Variants in SCAPER observed in about 807,000 individuals in gnomAD.
The protein encoded by SCAPER is S-phase cyclin A associated protein in the ER, also known as S phase cyclin A-associated protein in the endoplasmic reticulum.
Under a neutral mutation model 182.2 loss-of-function variants are expected in SCAPER, and 98 were observed. That is an observed-to-expected ratio of 0.54 (90% CI 0.46 to 0.64). SCAPER has a LOEUF of 0.64. SCAPER is among the 30% of genes least tolerant of loss of function. SCAPER has a pLI of 0.00. For missense variants in SCAPER, 1,432 were observed against 1,690.0 expected (o/e 0.85, Z 2.68); for synonymous variants, 605 against 564.6 (o/e 1.07, Z -1.01).
At chr15:76,887,225 T>G (rs960824605) in intron 1 of SCAPER, among the ~76,000 whole-genome samples, 1 of 152,158 alleles carries the variant, frequency 6.6e-6, no homozygotes, top group Admixed American at 6.5e-5. Context: ...GTCTGCAGCT[T>G]CCAGCATAAG....
chr15:76,511,841 A>ATGTGTGTGTGTGTGTGTG (rs755966745), intron 23 of SCAPER, among the ~76,000 whole-genome samples: 157 of 104,778 alleles, frequency 1.5e-3, no homozygotes, highest in South Asian at 3.6e-3. Flanking sequence ...ATATATATAT[A>ATGTGTGTGTGTGTGTGTG]TATGTGTGTG....
chr15:76,817,014 C>T (rs896368078), intron 5 of SCAPER, among the ~76,000 whole-genome samples: 5 of 152,168 alleles, frequency 3.3e-5, no homozygotes, highest in Non-Finnish European at 7.3e-5. Flanking sequence ...ACTGTATGCA[C>T]TATACTTCCA....
At chr15:76,476,595 A>ATTTTTTTTTTTT (rs5813839) in intron 24 of SCAPER, among the ~76,000 whole-genome samples, 5 of 73,532 alleles carry the variant, frequency 6.8e-5, no homozygotes, top group African/African-American at 1.6e-4. Flanking sequence ...CACCCAGCTA[A>ATTTTTTTTTTTT]TTTTTTTTTT....
At chr15:76,640,068 T>G (rs2053976809) in intron 21 of SCAPER, among the ~76,000 whole-genome samples, 1 of 152,248 alleles carries the variant, frequency 6.6e-6, no homozygotes, top group Admixed American at 6.5e-5. Context: ...CGATTTATTT[T>G]TATATTAATT....
chr15:76,381,299 G>A (rs2042928146), intron 28 of SCAPER, 79 bp downstream of exon 28: 2 of 1,151,286 alleles, frequency 1.7e-6, no homozygotes, highest in Non-Finnish European at 2.5e-6. Flanking sequence ...CCCAATTCAG[G>A]AGAAGAATCT....
At chr15:76,790,029 C>G (rs1421601010) in intron 8 of SCAPER, among the ~76,000 whole-genome samples, 5 of 151,952 alleles carry the variant, frequency 3.3e-5, no homozygotes, top group Admixed American at 1.3e-4. Flanking sequence ...GAGATTGAGA[C>G]CATCCTGGCT....
At chr15:76,615,471 A>G (rs1033901451) in intron 22 of SCAPER, among the ~76,000 whole-genome samples, 1 of 119,344 alleles carries the variant, frequency 8.4e-6, no homozygotes, top group African/African-American at 3.3e-5. Flanking sequence ...GTATGTGTAT[A>G]TATACATACA....
intron 20 of SCAPER, among the ~76,000 whole-genome samples, chr15:76,686,320 C>A (rs1428506226): frequency 1.3e-5 from 2 of 152,022 alleles, no homozygotes; most frequent in African/African-American, 2.4e-5. Flanking sequence ...TGTTTTATGT[C>A]ATTAATGATC....
At chr15:76,356,958 C>T (rs952253976) in intron 29 of SCAPER, among the ~76,000 whole-genome samples, 10 of 152,132 alleles carry the variant, frequency 6.6e-5, no homozygotes, top group Non-Finnish European at 2.9e-5. Flanking sequence ...TTTCCAACAA[C>T]ATTCAGATCA....
chr15:76,440,923 T>G (rs1218788454), intron 25 of SCAPER, among the ~76,000 whole-genome samples: 2 of 134,010 alleles, frequency 1.5e-5, no homozygotes, highest in African/African-American at 6.0e-5. Context: ...TTTTTGTTTT[T>G]TTTTTTTTTT....
chr15:76,653,155 A>G (rs2146575678), intron 21 of SCAPER, among the ~76,000 whole-genome samples: 1 of 152,278 alleles, frequency 6.6e-6, no homozygotes, highest in South Asian at 2.1e-4. Flanking sequence ...AATATAGCTG[A>G]CCAAGGAGGA....
At chr15:76,466,251 CTCTT>C (rs1381274201) in intron 25 of SCAPER, among the ~76,000 whole-genome samples, 1 of 151,700 alleles carries the variant, frequency 6.6e-6, no homozygotes, top group East Asian at 1.9e-4. Flanking sequence ...GCTTTCATCA[CTCTT>C]TCTCATTCTT....
Position 76,410,338 on chromosome 15 carries a change from C to T in SCAPER, c.3312-5659G>A, listed in dbSNP as rs533505817. 1.3e-5 allele frequency among the ~76,000 whole-genome samples: 2 copies of T among 152,284 alleles called. 1 individual carries two copies. Among genetic ancestry groups the T allele is most frequent in the East Asian group, 3.9e-4 (2 of 5,178 alleles). On this transcript the variant is annotated intron_variant, in intron 26 of 31. Coordinates refer to ENST00000563290, the MANE Select transcript of SCAPER (RefSeq NM_020843.4). The stretch of plus-strand genomic sequence containing the variant: ...ATTATTTCTAAGTATGATGCTGATG[C>T]TAACCTTAAGGACCTCTTAACATTG...
At chr15:76,783,777 G>C (rs1399738860) in intron 8 of SCAPER, among the ~76,000 whole-genome samples, 2 of 152,084 alleles carry the variant, frequency 1.3e-5, no homozygotes, top group Non-Finnish European at 2.9e-5. Context: ...CAGAAAAAAA[G>C]ACAAAAACCG....
intron 23 of SCAPER, among the ~76,000 whole-genome samples, chr15:76,538,550 ACT>A (rs1399469117): frequency 6.6e-6 from 1 of 151,938 alleles, no homozygotes; most frequent in Non-Finnish European, 1.5e-5. Context: ...GGAACATCAC[ACT>A]CTGTGGACTG....
At chr15:76,689,500 T>A (rs2058228589) in intron 20 of SCAPER, among the ~76,000 whole-genome samples, 1 of 151,900 alleles carries the variant, frequency 6.6e-6, no homozygotes, top group Admixed American at 6.6e-5. Flanking sequence ...TCTAAAAAAA[T>A]ATCAATTATT....
intron 17 of SCAPER, among the ~76,000 whole-genome samples, chr15:76,721,655 T>C (rs2060251434): frequency 6.6e-6 from 1 of 151,982 alleles, no homozygotes; most frequent in African/African-American, 2.4e-5. Context: ...CCTTGTAAGG[T>C]GGATTCCTAG....
At chr15:76,801,168 T>G (rs745516776) in intron 6 of SCAPER, among the ~76,000 whole-genome samples, 1 of 152,254 alleles carries the variant, frequency 6.6e-6, no homozygotes, top group African/African-American at 2.4e-5. Flanking sequence ...TCATTTGCGA[T>G]TCACATGTTG....
intron 21 of SCAPER, among the ~76,000 whole-genome samples, chr15:76,623,288 C>T (rs2052267603): frequency 6.6e-6 from 1 of 152,142 alleles, no homozygotes; most frequent in South Asian, 2.1e-4. Flanking sequence ...ACTACAATTG[C>T]TTTTGAGGAC....
Sources: gnomAD v4.1 joint callset for allele counts (sites outside exome capture counted in the v4.1 genomes callset) on GRCh38, gnomAD v4.1.1 for gene constraint, MANE v1.5 for transcripts, NCBI Gene and HGNC (gene_info 2026-07-23, HGNC 2026-07-21) for gene names.